Variants in COLEC12 observed in about 807,000 individuals in gnomAD.
COLEC12 encodes collectin-12.
In COLEC12, 33 loss-of-function variants were observed where a neutral mutation model predicts 71.1. The ratio of observed to expected loss-of-function variants is 0.46; its 90% CI spans 0.35 to 0.62. The LOEUF is 0.62. Among genes scored for constraint, COLEC12 ranks in the 20% least tolerant of loss-of-function variants. COLEC12 has a pLI of 0.00. For synonymous variants in COLEC12, 350 were observed against 353.0 expected (o/e 0.99, Z 0.10); for missense variants, 765 against 916.1 (o/e 0.84, Z 2.13).
chr18:387,384 T>C (rs894705445), intron 2 of COLEC12, among the ~76,000 whole-genome samples: 1 of 152,132 alleles, frequency 6.6e-6, no homozygotes, highest in Admixed American at 6.5e-5. Context: ...ACTAGCCTTT[T>C]CCCTTTTCTT....
chr18:422,089 T>C (rs1916110268), intron 2 of COLEC12, among the ~76,000 whole-genome samples: 1 of 152,172 alleles, frequency 6.6e-6, no homozygotes, highest in African/African-American at 2.4e-5. Context: ...GTCATGTCTG[T>C]CCAGCCCTGT....
At chr18:372,771 T>C (rs1462940785) in intron 2 of COLEC12, among the ~76,000 whole-genome samples, 2 of 152,120 alleles carry the variant, frequency 1.3e-5, no homozygotes, top group Non-Finnish European at 2.9e-5. Flanking sequence ...AAATAGAACA[T>C]TTAGTAATTC....
intron 2 of COLEC12, among the ~76,000 whole-genome samples, chr18:440,378 T>TACAC (rs142637035): frequency 6.6e-4 from 80 of 121,416 alleles, no homozygotes; most frequent in Non-Finnish European, 1.1e-3. Flanking sequence ...CACACACACA[T>TACAC]ACACACACAC....
intron 8 of COLEC12, among the ~76,000 whole-genome samples, chr18:330,518 T>A (rs181660411): frequency 1.3e-5 from 2 of 152,154 alleles, no homozygotes; most frequent in East Asian, 3.9e-4. Context: ...TTATTTTTTT[T>A]ATAAATTCTG....
At chr18:473,386 G>A (rs1239311295) in intron 2 of COLEC12, among the ~76,000 whole-genome samples, 2 of 130,944 alleles carry the variant, frequency 1.5e-5, no homozygotes, top group East Asian at 4.3e-4. Context: ...TTTTTGAAAC[G>A]GAGTTTCGCT....
Position 447,634 on chromosome 18 carries a change from G to A in COLEC12, c.58+33073C>T, listed in dbSNP as rs528187083. Among the ~76,000 whole-genome samples the A allele has an allele frequency of 2.0e-5, 3 of 152,246 alleles. 1 individual carries two copies. In the South Asian group the frequency reaches 6.2e-4, roughly 32 times the overall value. On this transcript the variant is annotated intron_variant, in intron 2 of 9. Transcript: ENST00000400256. ...CTCTTTATGAGCCACTGTAAAAAGC[G>A]GGATAGGATAATCCCAGTTTCTCCT...
At position 441,108 on chromosome 18, in the gene COLEC12, C is replaced by T. The variant is rs540048768; in HGVS notation, c.58+39599G>A. Among the ~76,000 whole-genome samples, 87 of 14,100 alleles carry T rather than the reference C, an allele frequency of 6.2e-3. 7 individuals carry two copies. Among genetic ancestry groups the T allele is most frequent in the East Asian group, 0.016 (2 of 124 alleles). 9.3% of individuals were successfully genotyped at this position (14,100 alleles called of 152,430 possible). On this transcript the variant is annotated intron_variant, in intron 2 of 9. Coordinates refer to ENST00000400256, the MANE Select transcript of COLEC12 (RefSeq NM_130386.3). ...CTAAAAATACAAAAAATTGGCCAGG[C>T]GTGGTGGCGGGCGCCTGTAGTCCCA...
At chr18:479,915 G>GTA (rs1310237246) in intron 2 of COLEC12, among the ~76,000 whole-genome samples, 1 of 152,212 alleles carries the variant, frequency 6.6e-6, no homozygotes, top group Non-Finnish European at 1.5e-5. Flanking sequence ...AATATGGGGA[G>GTA]TATACAGCTC....
At chr18:369,953 C>T (rs201598212) in intron 2 of COLEC12, among the ~76,000 whole-genome samples, 1 of 152,036 alleles carries the variant, frequency 6.6e-6, no homozygotes, top group East Asian at 1.9e-4. Flanking sequence ...AAGAGCAACC[C>T]CGATCTGGAA....
intron 2 of COLEC12, among the ~76,000 whole-genome samples, chr18:391,476 C>A (rs1444046963): frequency 1.3e-5 from 2 of 152,190 alleles, no homozygotes; most frequent in Non-Finnish European, 2.9e-5. Flanking sequence ...GGTCCGGAAT[C>A]TCCTCCCTGA....
At chr18:371,366 C>T (rs1187911274) in intron 2 of COLEC12, among the ~76,000 whole-genome samples, 3 of 152,134 alleles carry the variant, frequency 2.0e-5, no homozygotes, top group Non-Finnish European at 2.9e-5. Flanking sequence ...AGTCAATCTT[C>T]TTGACTTTGA....
chr18:319,341 A>AATATATATATATATATATATATATATAT lies in COLEC12; in HGVS notation c.*703_*704insATATATATATATATATATATATATATAT. On this transcript the variant is annotated 3_prime_UTR_variant, in exon 10 of 10. Coordinates refer to ENST00000400256, the MANE Select transcript of COLEC12 (RefSeq NM_130386.3). ...AACATTAAAAAAAAAAAAAAAAAAA[A>AATATATATATATATATATATATATATAT]ATATATATATATATATATATATACA... 1.5e-5 allele frequency: 1 copy of AATATATATATATATATATATATATATAT among 67,182 alleles called. No homozygotes were observed. Among genetic ancestry groups the AATATATATATATATATATATATATATAT allele is most frequent in the Non-Finnish European group, 3.1e-5 (1 of 32,474 alleles). 4.2% of individuals were successfully genotyped at this position (67,182 alleles called of 1,614,324 possible). A position where few individuals can be genotyped will look rare whatever the true frequency, so the allele number is the denominator to read the frequency against.
intron 2 of COLEC12, among the ~76,000 whole-genome samples, chr18:471,118 A>C (rs1428333486): frequency 6.6e-6 from 1 of 152,170 alleles, no homozygotes; most frequent in Non-Finnish European, 1.5e-5. Flanking sequence ...AAATATTCAC[A>C]CTTATAAAAA....
In COLEC12 at chr18:500,483, C is replaced by A; in HGVS notation, c.7+25G>T. On this transcript the variant is annotated intron_variant, in intron 1 of 9. Coordinates refer to ENST00000400256, the MANE Select transcript of COLEC12 (RefSeq NM_130386.3). This position sits in a 1 kb window ranked among gnomAD's most constrained non-coding sequence, Gnocchi z 5.3. ...CGAAGCCCGTTCCCCCCGCCCAGAGCCCCGCGGAGCTGCCGCCGCCCTACC... is the reference window on the plus strand; with the variant it reads ...CGAAGCCCGTTCCCCCCGCCCAGAGACCCGCGGAGCTGCCGCCGCCCTACC... 1 of 1,228,038 alleles carries A rather than the reference C, an allele frequency of 8.1e-7. No individual in the cohort carries two copies. The allele number at this position is 1,228,038 out of a possible 1,614,324, so 76.1% of individuals were successfully genotyped here.
At chr18:396,873 AC>A (rs1400167524) in intron 2 of COLEC12, among the ~76,000 whole-genome samples, 2 of 152,106 alleles carry the variant, frequency 1.3e-5, no homozygotes, top group Admixed American at 6.5e-5. Flanking sequence ...TTGAGTCAAA[AC>A]CCACTCTCCA....
At chr18:339,535 G>GCTAGATTAGTATAAAAAC (rs571288274) in intron 5 of COLEC12, among the ~76,000 whole-genome samples, 3 of 152,100 alleles carry the variant, frequency 2.0e-5, no homozygotes, top group Non-Finnish European at 2.9e-5. Flanking sequence ...TGACTTCCCA[G>GCTAGATTAGTATAAAAAC]CAAATTTCCC....
intron 2 of COLEC12, among the ~76,000 whole-genome samples, chr18:466,588 G>T (rs1917093713): frequency 6.6e-6 from 1 of 152,154 alleles, no homozygotes; most frequent in Non-Finnish European, 1.5e-5. Context: ...AGGAGCTTTG[G>T]TAGGATTTAA....
At chr18:391,317 C>G (rs1303619191) in intron 2 of COLEC12, among the ~76,000 whole-genome samples, 1 of 152,148 alleles carries the variant, frequency 6.6e-6, no homozygotes, top group East Asian at 1.9e-4. Context: ...TGTGCGCAAA[C>G]AGAGAAGAGA....
At chr18:469,030 G>A (rs1917141883) in intron 2 of COLEC12, among the ~76,000 whole-genome samples, 1 of 152,254 alleles carries the variant, frequency 6.6e-6, no homozygotes, top group South Asian at 2.1e-4. Flanking sequence ...CGCAGCACAT[G>A]GAAGGATGCT....
Sources: gnomAD v4.1 joint callset for allele counts (sites outside exome capture counted in the v4.1 genomes callset) on GRCh38, gnomAD v4.1.1 for gene constraint, Gnocchi (gnomAD v3.1) non-coding constraint, MANE v1.5 for transcripts, NCBI Gene and HGNC (gene_info 2026-07-23, HGNC 2026-07-21) for gene names.